The following GALNT10 variants were observed in gnomAD, a reference collection of about 807,000 sequenced individuals.
The protein encoded by GALNT10 is GalNAc transferase 10.
In GALNT10, 41 loss-of-function variants were observed where a neutral mutation model predicts 75.0. The ratio of observed to expected loss-of-function variants is 0.55; its 90% CI spans 0.43 to 0.71. The LOEUF is 0.71. Among genes scored for constraint, GALNT10 ranks in the 30% least tolerant of loss-of-function variants. The probability of loss-of-function intolerance (pLI) is 0.00; values close to 1 mark genes in which losing one functional copy is unlikely to be tolerated. For synonymous variants in GALNT10, 302 were observed against 313.0 expected (o/e 0.96, Z 0.37); for missense variants, 727 against 818.5 (o/e 0.89, Z 1.36).
chr5:154,236,964 G>A (rs79576004), intron 1 of GALNT10, among the ~76,000 whole-genome samples: 1 of 152,122 alleles, frequency 6.6e-6, no homozygotes, highest in African/African-American at 2.4e-5. Context: ...GTGTCTAGGG[G>A]TCTGGGGCAA....
chr5:154,400,388 C>A (rs972783991), intron 7 of GALNT10, among the ~76,000 whole-genome samples: 8 of 152,132 alleles, frequency 5.3e-5, no homozygotes, highest in African/African-American at 1.7e-4. Flanking sequence ...GTTCTTCCCC[C>A]CAGAGAAAGT....
intron 1 of GALNT10, among the ~76,000 whole-genome samples, chr5:154,254,570 A>C (rs6872386): frequency 2.7e-4 from 41 of 150,684 alleles, no homozygotes; most frequent in African/African-American, 1.0e-3. Flanking sequence ...TGAAAGAGGG[A>C]TAACATCAAA....
At chr5:154,329,387 T>C in intron 3 of GALNT10, 185 bp from the exon 4 acceptor site, 1 of 599,242 alleles carries the variant, frequency 1.7e-6, no homozygotes, top group Non-Finnish European at 3.0e-6. Context: ...TATGCAGAGA[T>C]TGGAGGTAGG....
At chr5:154,325,397 T>C (rs763226279) in intron 3 of GALNT10, among the ~76,000 whole-genome samples, 7 of 152,090 alleles carry the variant, frequency 4.6e-5, no homozygotes, top group Admixed American at 3.9e-4. Context: ...AGAGATACAA[T>C]AAAATCAGAC....
At chr5:154,198,878 A>G (rs1774984534) in intron 1 of GALNT10, among the ~76,000 whole-genome samples, 1 of 152,122 alleles carries the variant, frequency 6.6e-6, no homozygotes, top group African/African-American at 2.4e-5. Flanking sequence ...TTGCCCCTAG[A>G]CCTGACTAAC....
At chr5:154,414,764 T>A (rs1323315553) in intron 10 of GALNT10, among the ~76,000 whole-genome samples, 1 of 152,206 alleles carries the variant, frequency 6.6e-6, no homozygotes, top group Non-Finnish European at 1.5e-5. Context: ...TCAGTAAAGC[T>A]ACTGAAAAGT....
intron 3 of GALNT10, among the ~76,000 whole-genome samples, chr5:154,323,057 G>A (rs1231122436): frequency 1.3e-5 from 2 of 152,208 alleles, no homozygotes; most frequent in Non-Finnish European, 2.9e-5. Context: ...TACATAAAGT[G>A]CAATGAAGAA....
intron 4 of GALNT10, among the ~76,000 whole-genome samples, chr5:154,366,465 A>T (rs1755476514): frequency 6.6e-6 from 1 of 152,150 alleles, no homozygotes; most frequent in Admixed American, 6.5e-5. Flanking sequence ...AGAAAAAGAA[A>T]ACCCCTGAAT....
At chr5:154,293,594 G>GATATATATATATATATATATATATATAT (rs754824803) in intron 1 of GALNT10, among the ~76,000 whole-genome samples, 6 of 140,728 alleles carry the variant, frequency 4.3e-5, no homozygotes, top group African/African-American at 1.4e-4. Context: ...TCTTGGGGCT[G>GATATATATATATATATATATATATATAT]ATATATATAT....
At chr5:154,338,023 T>A in intron 4 of GALNT10, 1 of 1,497,744 alleles carries the variant, frequency 6.7e-7, no homozygotes, top group South Asian at 1.1e-5. Context: ...TCAGTCATGA[T>A]TGCAATCACT....
chr5:154,279,084 A>G (rs1211513893), intron 1 of GALNT10, among the ~76,000 whole-genome samples: 1 of 152,166 alleles, frequency 6.6e-6, no homozygotes, highest in East Asian at 1.9e-4. Flanking sequence ...TTGTTGGATC[A>G]TATGGTAGTT....
chr5:154,300,863 C>T (rs1386415638), intron 3 of GALNT10, among the ~76,000 whole-genome samples: 1 of 152,180 alleles, frequency 6.6e-6, no homozygotes, highest in Admixed American at 6.5e-5. Context: ...CTAGGAAGGC[C>T]TTCCGGAGGG....
intron 1 of GALNT10, among the ~76,000 whole-genome samples, chr5:154,253,815 C>A (rs1320835442): frequency 6.9e-6 from 1 of 144,950 alleles, no homozygotes; most frequent in Non-Finnish European, 1.5e-5. Context: ...TGAAATTCCT[C>A]TTTCCTTTGT....
chr5:154,209,762 T>C (rs1028950836), intron 1 of GALNT10, among the ~76,000 whole-genome samples: 3 of 152,184 alleles, frequency 2.0e-5, no homozygotes, highest in African/African-American at 4.8e-5. Context: ...GATTTCAACA[T>C]AGGAGTTTTG....
chr5:154,191,691 G>A (rs1774863538), intron 1 of GALNT10, among the ~76,000 whole-genome samples: 1 of 152,200 alleles, frequency 6.6e-6, no homozygotes, highest in Non-Finnish European at 1.5e-5. Context: ...GTCCTTGAGG[G>A]ACCTGCTGCC....
At chr5:154,219,838 T>TCACACACACACACACACA (rs553301418) in intron 1 of GALNT10, among the ~76,000 whole-genome samples, 7 of 125,658 alleles carry the variant, frequency 5.6e-5, no homozygotes, top group South Asian at 5.4e-4. Flanking sequence ...TCTCTCTCTC[T>TCACACACACACACACACA]CACACACACA....
intron 3 of GALNT10, among the ~76,000 whole-genome samples, chr5:154,329,251 T>C (rs1754805289): frequency 6.6e-6 from 1 of 152,242 alleles, no homozygotes; most frequent in African/African-American, 2.4e-5. Flanking sequence ...TCTATAGTTC[T>C]TATTATAAAT....
At chr5:154,286,297 A>G (rs1436375557) in intron 1 of GALNT10, among the ~76,000 whole-genome samples, 1 of 152,094 alleles carries the variant, frequency 6.6e-6, no homozygotes, top group African/African-American at 2.4e-5. Flanking sequence ...AAGTTGATGG[A>G]CAGATGGACA....
intron 4 of GALNT10, among the ~76,000 whole-genome samples, chr5:154,359,776 A>G (rs1225690662): frequency 6.6e-6 from 1 of 150,918 alleles, no homozygotes; most frequent in African/African-American, 2.4e-5. Context: ...TATTTTTCTA[A>G]GTATTTTATT....
Sources: allele counts gnomAD v4.1 joint callset (sites outside exome capture counted in the v4.1 genomes callset), GRCh38; gene constraint gnomAD v4.1.1; transcripts MANE v1.5; gene names NCBI Gene and HGNC (gene_info 2026-07-23, HGNC 2026-07-21).